Variants in MELK observed in about 807,000 individuals in gnomAD.
The protein encoded by MELK is maternal embryonic leucine zipper kinase.
A neutral mutation model predicts 85.0 loss-of-function variants in MELK; 81 were observed. The ratio of observed to expected loss-of-function variants is 0.95; its 90% CI spans 0.80 to 1.15. MELK has a LOEUF of 1.15. Among genes scored for constraint, MELK ranks in the 50% most tolerant of loss-of-function variants. The pLI is 0.00. For missense variants in MELK, 754 were observed against 777.5 expected (o/e 0.97, Z 0.36); for synonymous variants, 252 against 265.0 (o/e 0.95, Z 0.48).
chr9:36,589,794 T>C, intron 4 of MELK, 142 bp downstream of exon 4: 5 of 608,934 alleles, frequency 8.2e-6, no homozygotes, highest in African/African-American at 1.8e-5. Context: ...TTAGATTAAA[T>C]AGATGTATAT....
At chr9:36,663,583 C>T (rs1392114707) in intron 13 of MELK, among the ~76,000 whole-genome samples, 5 of 152,182 alleles carry the variant, frequency 3.3e-5, no homozygotes, top group Non-Finnish European at 7.3e-5. Flanking sequence ...TCTACATCCA[C>T]GTGTACACCC....
rs760777461 is a variant in MELK at position 36,671,063 on chromosome 9, C to G, written c.1571C>G (p.Ala524Gly). ...HMEETPKRKGAKVFGSLERGL... is the reference protein window; with the variant it reads ...HMEETPKRKGGKVFGSLERGL... ...GAGGAGACTCCAAAAAGAAAGGGAG[C>G]CAAAGTGTTTGGGAGCCTTGAAAGG... is the stretch of plus-strand genomic sequence containing the variant. The change falls in exon 16 of 18, where the codon GCC (alanine) becomes GGC (glycine). Residue 524 changes from alanine (A) to glycine (G), a missense_variant. Coordinates refer to ENST00000298048, the MANE Select transcript of MELK (RefSeq NM_014791.4). The G allele has an allele frequency of 5.6e-6, 9 of 1,613,050 alleles. No homozygotes were observed. In the Admixed American group the frequency reaches 1.2e-4, roughly 21 times the overall value.
chr9:36,574,184 C>G (rs1406608094), intron 1 of MELK, among the ~76,000 whole-genome samples: 2 of 152,134 alleles, frequency 1.3e-5, no homozygotes, highest in Non-Finnish European at 2.9e-5. Context: ...TGTGGACCAA[C>G]TAGATGGGCA....
intron 8 of MELK, among the ~76,000 whole-genome samples, chr9:36,614,459 T>G (rs1826372022): frequency 7.1e-6 from 1 of 141,802 alleles, no homozygotes; most frequent in Non-Finnish European, 1.5e-5. Context: ...ATTTTTTTAT[T>G]GATAATTCTT....
intron 9 of MELK, among the ~76,000 whole-genome samples, chr9:36,631,152 C>T (rs769670389): frequency 1.0e-4 from 15 of 150,648 alleles, no homozygotes; most frequent in Non-Finnish European, 1.8e-4. Flanking sequence ...TTAGTAGAGA[C>T]GAGGTTTCAC....
At chr9:36,619,063 A>G (rs908389462) in intron 8 of MELK, among the ~76,000 whole-genome samples, 5 of 151,872 alleles carry the variant, frequency 3.3e-5, no homozygotes, top group Non-Finnish European at 7.4e-5. Flanking sequence ...GGTTCAAGCA[A>G]TTCTCCTGCC....
At position 36,665,429 on chromosome 9, in the gene MELK, A is replaced by C; in HGVS notation, c.1256A>C (p.Lys419Thr). The stretch of plus-strand genomic sequence containing the variant: ...GCCTTATGCAGAACACCTGCAAATA[A>C]ATTAAAGAACAAAGAAAATGTATAT... ...TPALCRTPANKLKNKENVYTP... is the reference protein window; with the variant it reads ...TPALCRTPANTLKNKENVYTP... The change falls in exon 14 of 18, where the codon AAA becomes ACA. Residue 419 changes from lysine (K) to threonine (T), a missense_variant. By Grantham distance (78) the Lys-to-Thr change is moderately conservative. Coordinates refer to ENST00000298048, the MANE Select transcript of MELK (RefSeq NM_014791.4). 2 of 1,613,714 alleles carry C rather than the reference A, an allele frequency of 1.2e-6. No individual in the cohort carries two copies. Among genetic ancestry groups the C allele is most frequent in the African/African-American group, 1.3e-5 (1 of 75,036 alleles).
Position 36,655,824 on chromosome 9 carries a change from T to A in MELK, c.1054-1417T>A, listed in dbSNP as rs367978847. 5.3e-5 allele frequency among the ~76,000 whole-genome samples: 8 copies of A among 152,316 alleles called. No individual in the cohort carries two copies. The South Asian group carries it at 1.7e-3, about 32-fold the overall frequency. On this transcript the variant is annotated intron_variant, in intron 12 of 17. Transcript: ENST00000298048. ...ACAGTAATTGGTAATCCTGGAGAACTCTGTCATCCTTGGTTGAGACAGTGG... is the reference window on the plus strand; with the variant it reads ...ACAGTAATTGGTAATCCTGGAGAACACTGTCATCCTTGGTTGAGACAGTGG...
intron 8 of MELK, among the ~76,000 whole-genome samples, chr9:36,614,433 T>TTG (rs1319014027): frequency 1.4e-5 from 2 of 145,252 alleles, no homozygotes; most frequent in South Asian, 2.2e-4. Flanking sequence ...GGGTTTTTTT[T>TTG]TTTTTTTTTT....
At chr9:36,643,424 G>A (rs1225408983) in intron 11 of MELK, among the ~76,000 whole-genome samples, 2 of 152,000 alleles carry the variant, frequency 1.3e-5, no homozygotes, top group Non-Finnish European at 2.9e-5. Context: ...CAATTTGAGA[G>A]TAGTATCTTT....
intron 7 of MELK, among the ~76,000 whole-genome samples, chr9:36,601,627 A>G (rs1824936192): frequency 6.6e-6 from 1 of 152,162 alleles, no homozygotes; most frequent in South Asian, 2.1e-4. Context: ...TGTATAGTTT[A>G]GTAGTACTGA....
At position 36,607,669 on chromosome 9, in the gene MELK, T is replaced by C. The variant is rs1825690779; in HGVS notation, c.662T>C (p.Ile221Thr). The C allele has an allele frequency of 1.9e-6, 3 of 1,583,918 alleles. No homozygotes were observed. The highest frequency in any genetic ancestry group is 2.2e-5 in the East Asian group (1 of 44,696). ...DDNVMALYKK[I>T]MRGKYDVPKW... ...AATGTAATGGCTTTATACAAGAAGA[T>C]TATGGTGAGTATTACAAGGCATAGA... Residue 221 changes from isoleucine to threonine, a missense_variant, in exon 8 of 18, where the codon ATT becomes ACT. Coordinates refer to ENST00000298048, the MANE Select transcript of MELK (RefSeq NM_014791.4).
rs185857623 is a variant in MELK at position 36,580,507 on chromosome 9, A to G, written c.-38-1137A>G. ...GCTAATTTGTGTATTTTTAGTAGAG[A>G]CGGGTTTCGTCATGTTGGTCAGGCT... On this transcript the variant is annotated intron_variant, in intron 1 of 17. Transcript: ENST00000298048. 2.7e-5 allele frequency among the ~76,000 whole-genome samples: 4 copies of G among 150,696 alleles called. No individual in the cohort carries two copies. The East Asian group carries it at 8.0e-4, about 30-fold the overall frequency.
chr9:36,604,890 G>A (rs545797966), intron 7 of MELK, among the ~76,000 whole-genome samples: 1 of 151,828 alleles, frequency 6.6e-6, no homozygotes, highest in East Asian at 2.0e-4. Context: ...TGATCTGCCC[G>A]CCTTGGCTTC....
chr9:36,634,174 A>G, intron 10 of MELK, among the ~76,000 whole-genome samples: 1 of 152,232 alleles, frequency 6.6e-6, no homozygotes, highest in East Asian at 1.9e-4. Flanking sequence ...ATCACTACTG[A>G]TCTCAGTAGA....
intron 1 of MELK, among the ~76,000 whole-genome samples, chr9:36,573,830 G>A (rs758652846): frequency 6.6e-6 from 1 of 152,186 alleles, no homozygotes; most frequent in African/African-American, 2.4e-5. Flanking sequence ...TTCACCGAAT[G>A]CTGTATCAGT....
At chr9:36,676,532 C>A (rs780729247) in intron 17 of MELK, among the ~76,000 whole-genome samples, 3 of 152,080 alleles carry the variant, frequency 2.0e-5, no homozygotes, top group Non-Finnish European at 4.4e-5. Flanking sequence ...GTAGATAATG[C>A]GGCAGTTCTA....
intron 6 of MELK, among the ~76,000 whole-genome samples, chr9:36,598,434 A>G (rs762901570): frequency 2.0e-5 from 3 of 152,128 alleles, no homozygotes; most frequent in Non-Finnish European, 2.9e-5. Context: ...TCAGTTGTAA[A>G]TGACATCTCA....
intron 11 of MELK, among the ~76,000 whole-genome samples, chr9:36,650,232 C>T (rs892931762): frequency 8.0e-5 from 12 of 149,980 alleles, no homozygotes; most frequent in Non-Finnish European, 1.5e-4. Flanking sequence ...GGTGAGCCAC[C>T]GCACCCGGCC....
Sources: gnomAD v4.1 joint callset for allele counts (sites outside exome capture counted in the v4.1 genomes callset) on GRCh38, gnomAD v4.1.1 for gene constraint, MANE v1.5 for transcripts, NCBI Gene and HGNC (gene_info 2026-07-23, HGNC 2026-07-21) for gene names.